SEPTIN9: variants seen among roughly 807,000 people sequenced by gnomAD.
SEPTIN9 encodes septin-9.
Under a neutral mutation model 56.6 loss-of-function variants are expected in SEPTIN9, and 13 were observed. The observed-to-expected ratio is 0.23, with a 90% confidence interval of 0.15 to 0.37. The LOEUF is 0.37. SEPTIN9 is among the 10% of genes least tolerant of loss of function. SEPTIN9 has a pLI of 1.00. For synonymous variants in SEPTIN9, 332 were observed against 334.1 expected (o/e 0.99, Z 0.07); for missense variants, 650 against 823.1 (o/e 0.79, Z 2.57).
intron 2 of SEPTIN9, among the ~76,000 whole-genome samples, chr17:77,370,189 G>A (rs938361521): frequency 6.6e-6 from 1 of 152,220 alleles, no homozygotes; most frequent in Non-Finnish European, 1.5e-5. Context: ...AGGGGAATGT[G>A]TCCTCTCACA....
At chr17:77,344,518 A>G (rs1568004628) in intron 2 of SEPTIN9, among the ~76,000 whole-genome samples, 1 of 152,242 alleles carries the variant, frequency 6.6e-6, no homozygotes, top group Non-Finnish European at 1.5e-5. Flanking sequence ...GTATACTCCA[A>G]AGAACTGACA....
chr17:77,338,361 C>G (rs2033621140), intron 2 of SEPTIN9, among the ~76,000 whole-genome samples: 4 of 151,974 alleles, frequency 2.6e-5, no homozygotes, highest in African/African-American at 9.7e-5. Context: ...GGCTGCTGAC[C>G]AGGTGGTGGT....
intron 2 of SEPTIN9, among the ~76,000 whole-genome samples, chr17:77,393,322 A>T (rs527594372): frequency 6.6e-6 from 1 of 152,270 alleles, no homozygotes; most frequent in East Asian, 1.9e-4. Context: ...TTCTTGGCCA[A>T]GGACTGCACT....
chr17:77,309,395 G>A (rs958940577), intron 2 of SEPTIN9, among the ~76,000 whole-genome samples: 1 of 152,232 alleles, frequency 6.6e-6, no homozygotes, highest in African/African-American at 2.4e-5. Context: ...GTGGGCTCTG[G>A]CCCGAGACAC....
chr17:77,303,666 G>A (rs1462852087), intron 1 of SEPTIN9, among the ~76,000 whole-genome samples: 1 of 151,516 alleles, frequency 6.6e-6, no homozygotes, highest in Non-Finnish European at 1.5e-5. Flanking sequence ...GGGTGACAGA[G>A]CAAGACTCCA....
chr17:77,372,704 G>T (rs1183334464), intron 2 of SEPTIN9, among the ~76,000 whole-genome samples: 1 of 152,200 alleles, frequency 6.6e-6, no homozygotes, highest in Non-Finnish European at 1.5e-5. Flanking sequence ...CCAGGAGGGT[G>T]CAGCGGTGGC....
intron 2 of SEPTIN9, among the ~76,000 whole-genome samples, chr17:77,332,075 A>G (rs1196668468): frequency 6.6e-6 from 1 of 152,092 alleles, no homozygotes; most frequent in African/African-American, 2.4e-5. Context: ...CAGGAGTTCA[A>G]GACCAGCCCG....
intron 2 of SEPTIN9, among the ~76,000 whole-genome samples, chr17:77,377,805 C>T (rs1289267904): frequency 6.6e-6 from 1 of 152,202 alleles, no homozygotes; most frequent in Non-Finnish European, 1.5e-5. Context: ...CTAATTAATG[C>T]CAGTAGGCCT....
At position 77,329,727 on chromosome 17, in the gene SEPTIN9, G is replaced by A. The variant is rs923615886; in HGVS notation, c.76+22530G>A. Among the ~76,000 whole-genome samples the A allele has an allele frequency of 2.0e-5, 3 of 152,128 alleles. No homozygotes were observed. The highest frequency in any genetic ancestry group is 4.1e-4 in the South Asian group (2 of 4,832). ...TGGTGCCTGAGGACTGCTGTCCACCGTCCCACCATCCTTCAGGTTTCTTCC... is the reference window on the plus strand; with the variant it reads ...TGGTGCCTGAGGACTGCTGTCCACCATCCCACCATCCTTCAGGTTTCTTCC... On this transcript the variant is annotated intron_variant, in intron 2 of 11. Coordinates refer to ENST00000427177, the MANE Select transcript of SEPTIN9 (RefSeq NM_001113491.2). The surrounding 1 kb of genome is among the most constrained non-coding windows in gnomAD (Gnocchi z 4.3).
At chr17:77,347,148 C>T (rs1363791189) in intron 2 of SEPTIN9, among the ~76,000 whole-genome samples, 2 of 152,068 alleles carry the variant, frequency 1.3e-5, no homozygotes, top group East Asian at 1.9e-4. Context: ...GAGGCCAAGG[C>T]GGGTGGATCA....
intron 3 of SEPTIN9, among the ~76,000 whole-genome samples, chr17:77,467,503 C>T (rs1299386046): frequency 1.0e-5 from 1 of 100,300 alleles, no homozygotes. Context: ...AACAGCCAGG[C>T]CCCAAGTCCC....
At position 77,445,392 on chromosome 17, in the gene SEPTIN9, C is replaced by A; in HGVS notation, c.722-36752C>A. On this transcript the variant is annotated intron_variant, in intron 3 of 11. Transcript: ENST00000427177. This position sits in a 1 kb window ranked among gnomAD's most constrained non-coding sequence, Gnocchi z 4.7. ...TGCTGCATCCCATTGGGGTGTTGCCCAGGATGGATTGGAAAAGAGTTGGCA... is the reference window on the plus strand; with the variant it reads ...TGCTGCATCCCATTGGGGTGTTGCCAAGGATGGATTGGAAAAGAGTTGGCA... The A allele has an allele frequency of 2.1e-6, 1 of 467,532 alleles. No individual in the cohort carries two copies. Among genetic ancestry groups the A allele is most frequent in the Non-Finnish European group, 4.4e-6 (1 of 227,034 alleles). 29.0% of individuals were successfully genotyped at this position (467,532 alleles called of 1,614,324 possible).
intron 2 of SEPTIN9, among the ~76,000 whole-genome samples, chr17:77,328,007 G>T (rs951838201): frequency 1.4e-5 from 2 of 145,614 alleles, no homozygotes; most frequent in African/African-American, 5.1e-5. Flanking sequence ...GGGTGTCCCC[G>T]TGCCTAGTGT....
intron 3 of SEPTIN9, among the ~76,000 whole-genome samples, chr17:77,411,896 A>G (rs539631694): frequency 9.2e-5 from 14 of 151,556 alleles, no homozygotes; most frequent in Non-Finnish European, 1.5e-4. Flanking sequence ...TTGGGAGGCC[A>G]AGGCGGGCTG....
At chr17:77,472,399 C>G (rs1439320940) in intron 3 of SEPTIN9, 1 of 152,220 alleles carries the variant, frequency 6.6e-6, no homozygotes, top group Non-Finnish European at 1.5e-5. Context: ...ACCCCCGCCC[C>G]CTGCCTCGGG....
At chr17:77,403,260 G>A (rs1173041523) in intron 3 of SEPTIN9, among the ~76,000 whole-genome samples, 1 of 152,200 alleles carries the variant, frequency 6.6e-6, no homozygotes, top group Non-Finnish European at 1.5e-5. Context: ...CCTCCCCCAG[G>A]AGGGATGGTT....
chr17:77,351,872 G>A (rs182471795), intron 2 of SEPTIN9, among the ~76,000 whole-genome samples: 44 of 152,368 alleles, frequency 2.9e-4, no homozygotes, highest in Admixed American at 2.4e-3. Flanking sequence ...CCACACAGGG[G>A]CCCCGACATG....
rs1012274136 is a variant in SEPTIN9, at chr17:77,434,017, C to T, written c.721+31314C>T. ...GCTGTGTGTGCCTGTGTGAGTCTGG[C>T]GTGTTAGAAGCGCTAAGCTGCAGCT... On this transcript the variant is annotated intron_variant, in intron 3 of 11. Transcript: ENST00000427177. The surrounding 1 kb of genome is among the most constrained non-coding windows in gnomAD (Gnocchi z 5.0). Among the ~76,000 whole-genome samples the T allele has an allele frequency of 6.6e-6, 1 of 152,176 alleles. No homozygotes were observed.
At chr17:77,459,966 T>A (rs1462362985) in intron 3 of SEPTIN9, among the ~76,000 whole-genome samples, 1 of 151,896 alleles carries the variant, frequency 6.6e-6, no homozygotes, top group Non-Finnish European at 1.5e-5. Context: ...GTGAGCCACC[T>A]CACCCAGCCC....
Sources: allele counts gnomAD v4.1 joint callset (sites outside exome capture counted in the v4.1 genomes callset), GRCh38; gene constraint gnomAD v4.1.1; non-coding constraint Gnocchi (gnomAD v3.1); transcripts MANE v1.5; gene names NCBI Gene and HGNC (gene_info 2026-07-23, HGNC 2026-07-21).